PDCD11: variants seen among roughly 807,000 people sequenced by gnomAD.
PDCD11 encodes the protein protein RRP5 homolog.
Under a neutral mutation model 198.9 loss-of-function variants are expected in PDCD11, and 97 were observed. That is an observed-to-expected ratio of 0.49 (90% CI 0.41 to 0.58). The LOEUF is 0.58. Ranked by LOEUF, PDCD11 falls within the 20% of genes least tolerant of loss-of-function variation. The probability of loss-of-function intolerance (pLI) is 0.00; values close to 1 mark genes in which losing one functional copy is unlikely to be tolerated. For missense variants in PDCD11, 2,102 were observed against 2,312.7 expected (o/e 0.91, Z 1.87); for synonymous variants, 893 against 918.0 (o/e 0.97, Z 0.49).
chr10:103,399,250 A>G (rs1386565258), intron 2 of PDCD11, among the ~76,000 whole-genome samples: 1 of 151,656 alleles, frequency 6.6e-6, no homozygotes, highest in Non-Finnish European at 1.5e-5. Flanking sequence ...GGGTTTCACC[A>G]TGTTGGCCAG....
Position 103,444,519 on chromosome 10 carries a change from G to A in PDCD11, c.5281G>A (p.Val1761Met). ...TCTGAGCAGTCCTCTCCCTGCAGAT[G>A]TGGATGTCATTGCCAAGTTTGCCCA... ...ALECLPSKEH[V>M]DVIAKFAQLE... Residue 1761 changes from valine (V) to methionine (M), a missense_variant and splice_region_variant, in exon 35 of 36, where the codon GTG becomes ATG. By Grantham distance (21) the Val-to-Met change is conservative. Coordinates refer to ENST00000369797, the MANE Select transcript of PDCD11 (RefSeq NM_014976.2). 1.9e-6 allele frequency: 3 copies of A among 1,614,108 alleles called. No homozygotes were observed. The highest frequency in any genetic ancestry group is 2.2e-5 in the East Asian group (1 of 44,886).
chr10:103,420,880 TG>T (rs1247853727), intron 16 of PDCD11, among the ~76,000 whole-genome samples: 2 of 151,362 alleles, frequency 1.3e-5, no homozygotes, highest in Admixed American at 6.6e-5. Context: ...TTTTTGTTTT[TG>T]TTTTTTTTTT....
chr10:103,440,673 G>A (rs1018203841), intron 29 of PDCD11, 61 bp from the exon 30 acceptor site: 20 of 1,613,202 alleles, frequency 1.2e-5, no homozygotes, highest in South Asian at 5.5e-5. Flanking sequence ...GGGGCCGAGG[G>A]AGGGTGTCGC....
chr10:103,409,731 C>T lies in PDCD11; in HGVS notation c.903C>T (p.Leu301=). ...CATTTGGCCTTACGCTAAACTTCCT[C>T]ACATTCTTCACGGGCGTGGTTGACT... is the stretch of plus-strand genomic sequence containing the variant. ...VTPFGLTLNF[L]TFFTGVVDFM... is the part of the protein sequence containing the mutation. Residue 301 remains leucine (L), a synonymous_variant, in exon 8 of 36, where the codon CTC becomes CTT. Coordinates refer to ENST00000369797, the MANE Select transcript of PDCD11 (RefSeq NM_014976.2). 6.2e-7 allele frequency: 1 copy of T among 1,614,084 alleles called. No individual in the cohort carries two copies. Among genetic ancestry groups the T allele is most frequent in the East Asian group, 2.2e-5 (1 of 44,884 alleles).
chr10:103,423,868 T>C (rs2031568264), intron 19 of PDCD11, among the ~76,000 whole-genome samples: 1 of 152,186 alleles, frequency 6.6e-6, no homozygotes, highest in Non-Finnish European at 1.5e-5. Flanking sequence ...ACATGGGCAC[T>C]CCATCTTTAG....
intron 2 of PDCD11, among the ~76,000 whole-genome samples, chr10:103,399,035 A>G (rs1015788898): frequency 6.6e-6 from 1 of 151,990 alleles, no homozygotes; most frequent in Non-Finnish European, 1.5e-5. Flanking sequence ...AAACAAAATA[A>G]ATAAAGTGCT....
intron 22 of PDCD11, among the ~76,000 whole-genome samples, chr10:103,433,665 T>A (rs768258160): frequency 3.3e-5 from 5 of 152,222 alleles, no homozygotes; most frequent in African/African-American, 7.2e-5. Flanking sequence ...GTGGGATTGG[T>A]TCTCCAGTTT....
intron 20 of PDCD11, 141 bp downstream of exon 20, chr10:103,425,666 T>A: frequency 1.4e-6 from 1 of 704,358 alleles, no homozygotes; most frequent in East Asian, 2.7e-5. Flanking sequence ...CAAAGAATTA[T>A]TTTGCAAGAT....
chr10:103,433,849 G>A (rs955108932), intron 22 of PDCD11, 99 bp from the exon 23 acceptor site: 3 of 880,596 alleles, frequency 3.4e-6, no homozygotes, highest in African/African-American at 3.3e-5. Flanking sequence ...TTGGAAAAGT[G>A]TACTGGGGCC....
chr10:103,439,434 C>A (rs1012524347), intron 27 of PDCD11, among the ~76,000 whole-genome samples: 1 of 152,198 alleles, frequency 6.6e-6, no homozygotes, highest in African/African-American at 2.4e-5. Flanking sequence ...TGTGAAATCA[C>A]CTCATGTTCA....
At chr10:103,408,828 C>T (rs758763884) in intron 7 of PDCD11, among the ~76,000 whole-genome samples, 4 of 152,190 alleles carry the variant, frequency 2.6e-5, no homozygotes, top group Non-Finnish European at 5.9e-5. Context: ...GCATGAGCCA[C>T]TGCGCCCACC....
At chr10:103,404,185 C>T (rs528435559) in intron 4 of PDCD11, among the ~76,000 whole-genome samples, 21 of 150,656 alleles carry the variant, frequency 1.4e-4, no homozygotes, top group Non-Finnish European at 2.8e-4. Context: ...GACAGGGCTT[C>T]ACCATGTTGG....
At chr10:103,434,544 C>T (rs1270297299) in intron 24 of PDCD11, 194 bp downstream of exon 24, 2 of 600,356 alleles carry the variant, frequency 3.3e-6, no homozygotes, top group Non-Finnish European at 5.9e-6. Flanking sequence ...CTCTGAGTTA[C>T]CTTTACCTAT....
chr10:103,422,551 C>A (rs1392741063), intron 17 of PDCD11, among the ~76,000 whole-genome samples: 1 of 151,820 alleles, frequency 6.6e-6, no homozygotes, highest in Admixed American at 6.6e-5. Flanking sequence ...AATTCACTCG[C>A]CTTTTCACCT....
intron 16 of PDCD11, among the ~76,000 whole-genome samples, chr10:103,420,883 T>G (rs2031384285): frequency 6.7e-6 from 1 of 149,612 alleles, no homozygotes; most frequent in Non-Finnish European, 1.5e-5. Context: ...TTGTTTTTGT[T>G]TTTTTTTTTT....
intron 7 of PDCD11, among the ~76,000 whole-genome samples, chr10:103,409,311 C>T (rs1024156580): frequency 6.9e-6 from 1 of 145,554 alleles, no homozygotes; most frequent in Non-Finnish European, 1.5e-5. Context: ...TTTTGCAAGC[C>T]CTTTTTTTTT....
chr10:103,403,581 T>A (rs1228132240), intron 4 of PDCD11, among the ~76,000 whole-genome samples: 1 of 151,152 alleles, frequency 6.6e-6, no homozygotes, highest in Non-Finnish European at 1.5e-5. Context: ...CAAGAGAGAG[T>A]GTGATGTGAG....
chr10:103,427,887 T>TGA (rs2031765804), intron 21 of PDCD11, among the ~76,000 whole-genome samples: 1 of 152,192 alleles, frequency 6.6e-6, no homozygotes, highest in South Asian at 2.1e-4. Context: ...CTCAGATTGA[T>TGA]AGACCCTTAG....
intron 19 of PDCD11, 112 bp downstream of exon 19, chr10:103,423,770 T>C (rs2031563766): frequency 1.9e-5 from 14 of 727,344 alleles, no homozygotes; most frequent in Middle Eastern, 2.3e-4. Context: ...GCCCTATGTC[T>C]GGATGGATCC....
Sources: allele counts gnomAD v4.1 joint callset (sites outside exome capture counted in the v4.1 genomes callset), GRCh38; gene constraint gnomAD v4.1.1; transcripts MANE v1.5; gene names NCBI Gene and HGNC (gene_info 2026-07-23, HGNC 2026-07-21).